DPY19L2: variants seen among roughly 807,000 people sequenced by gnomAD.
The protein encoded by DPY19L2 is dpy-19 like 2, also known as probable C-mannosyltransferase DPY19L2.
In DPY19L2, 34 loss-of-function variants were observed where a neutral mutation model predicts 97.9. That is an observed-to-expected ratio of 0.35 (90% CI 0.26 to 0.46). The LOEUF (loss-of-function observed/expected upper bound fraction) is 0.46. Among genes scored for constraint, DPY19L2 ranks in the 20% least tolerant of loss-of-function variants. DPY19L2 has a pLI of 1.00. For synonymous variants in DPY19L2, 230 were observed against 307.9 expected, an observed-to-expected ratio of 0.75 and a Z score of 2.65; for missense variants, 623 against 911.4, an observed-to-expected ratio of 0.68 and a Z score of 4.07.
chr12:63,660,295 T>A (rs1350354167), intron 4 of DPY19L2, among the ~76,000 whole-genome samples: 1 of 151,948 alleles, frequency 6.6e-6, no homozygotes, highest in East Asian at 1.9e-4. Flanking sequence ...GGGAAATACA[T>A]AAACTTTACA....
chr12:63,582,301 C>T lies in DPY19L2; in HGVS notation c.1725+105G>A, dbSNP rs1881069472. On this transcript the variant is annotated intron_variant, in intron 18 of 21. Transcript: ENST00000324472. ...TCATTTAACTTAGTTAAGTTAAAAA[C>T]ACTTAGTGTGTTTATATTTTGAATT... 4 of 1,221,760 alleles carry T rather than the reference C, an allele frequency of 3.3e-6. No homozygotes were observed. In the African/African-American group the frequency reaches 6.2e-5, roughly 19 times the overall value. The allele number at this position is 1,221,760 out of a possible 1,614,324, so 75.7% of individuals were successfully genotyped here. A position where few individuals can be genotyped will look rare whatever the true frequency, so the allele number is the denominator to read the frequency against.
In DPY19L2 at chr12:63,647,316, A is replaced by G. The variant is rs375807753; in HGVS notation, c.638T>C (p.Phe213Ser). ...CCAGCAGGTCTTAGTTTCTAGTCCA[A>G]ATAAATTCATTATTCCCATGAATGT... is the stretch of plus-strand genomic sequence containing the variant. Reference protein sequence around the residue: ...YCTFMGIMNLFGLETKTCWNV... With the variant: ...YCTFMGIMNLSGLETKTCWNV... Residue 213 changes from phenylalanine (F) to serine (S), a missense_variant, in exon 5 of 22, where the codon TTT (phenylalanine) becomes TCT (serine). Coordinates refer to ENST00000324472, the MANE Select transcript of DPY19L2 (RefSeq NM_173812.5). The G allele has an allele frequency of 6.3e-6, 10 of 1,593,032 alleles. No homozygotes were observed. The highest frequency in any genetic ancestry group is 8.6e-6 in the Non-Finnish European group (10 of 1,168,408).
intron 12 of DPY19L2, among the ~76,000 whole-genome samples, chr12:63,604,924 C>T (rs1030040826): frequency 1.2e-4 from 19 of 152,244 alleles, no homozygotes; most frequent in African/African-American, 4.3e-4. Flanking sequence ...GTGTCCAGTA[C>T]ATTTTTTATA....
chr12:63,618,293 G>C lies in DPY19L2; in HGVS notation c.1054-65C>G, dbSNP rs1039948115. 133 of 657,614 alleles carry C rather than the reference G, an allele frequency of 2.0e-4. No homozygotes were observed. In the African/African-American group the frequency reaches 2.3e-3, roughly 12 times the overall value. The allele number at this position is 657,614 out of a possible 1,614,324, so 40.7% of individuals were successfully genotyped here. On this transcript the variant is annotated intron_variant, in intron 9 of 21. Coordinates refer to ENST00000324472, the MANE Select transcript of DPY19L2 (RefSeq NM_173812.5). ...GAAAACTAACACTTTACTATTCACA[G>C]GCAAAGTAAATATAAGAGGAGGGCT...
At chr12:63,654,139 G>A (rs1006784593) in intron 4 of DPY19L2, among the ~76,000 whole-genome samples, 1 of 151,954 alleles carries the variant, frequency 6.6e-6, no homozygotes, top group Non-Finnish European at 1.5e-5. Context: ...ACATCAAAGA[G>A]GAAGAAATAA....
At chr12:63,626,005 A>AAT (rs1889477214) in intron 7 of DPY19L2, among the ~76,000 whole-genome samples, 1 of 148,792 alleles carries the variant, frequency 6.7e-6, no homozygotes, top group Non-Finnish European at 1.5e-5. Flanking sequence ...AATATAAATT[A>AAT]ATATATATGT....
At position 63,644,368 on chromosome 12, in the gene DPY19L2, C is replaced by T. The variant is rs149866242; in HGVS notation, c.803+35G>A. ...AAATATCAGCCAGTCTGTAAAAGCC[C>T]ACTGAAAGGTCTCTTAATTCAGTAG... On this transcript the variant is annotated intron_variant, in intron 6 of 21. Transcript: ENST00000324472. 1.7e-5 allele frequency: 27 copies of T among 1,585,286 alleles called. No homozygotes were observed. The Admixed American group carries it at 5.1e-4, about 30-fold the overall frequency.
In DPY19L2 at chr12:63,668,477, G is replaced by A; in HGVS notation, c.-84C>T. On this transcript the variant is annotated 5_prime_UTR_variant, in exon 1 of 22. Transcript: ENST00000324472. ...AGGTCCAGAGAGACCTGACTCGCCT[G>A]GCAGCCTCAACGGACTTGTCCCCGC... 7.3e-7 allele frequency: 1 copy of A among 1,364,854 alleles called. No individual in the cohort carries two copies. Among genetic ancestry groups the A allele is most frequent in the Non-Finnish European group, 9.7e-7 (1 of 1,028,862 alleles). 84.5% of individuals were successfully genotyped at this position (1,364,854 alleles called of 1,614,324 possible). A position where few individuals can be genotyped will look rare whatever the true frequency, so the allele number is the denominator to read the frequency against.
chr12:63,618,835 T>C (rs567381591), intron 9 of DPY19L2, among the ~76,000 whole-genome samples: 1 of 152,150 alleles, frequency 6.6e-6, no homozygotes, highest in South Asian at 2.1e-4. Context: ...TAACCCAACA[T>C]AGATGGAGAT....
At chr12:63,633,841 A>C (rs1181973811) in intron 6 of DPY19L2, among the ~76,000 whole-genome samples, 2 of 152,188 alleles carry the variant, frequency 1.3e-5, no homozygotes, top group Non-Finnish European at 2.9e-5. Context: ...AGACTGGATT[A>C]AGAAAATGTG....
At chr12:63,573,510 C>G (rs1185534130) in intron 19 of DPY19L2, among the ~76,000 whole-genome samples, 1 of 151,958 alleles carries the variant, frequency 6.6e-6, no homozygotes, top group East Asian at 1.9e-4. Flanking sequence ...TAGAGAGAGA[C>G]AGCAGTAGGA....
intron 21 of DPY19L2, among the ~76,000 whole-genome samples, chr12:63,566,276 G>A (rs1311457447): frequency 6.6e-6 from 1 of 152,012 alleles, no homozygotes; most frequent in Admixed American, 6.6e-5. Context: ...CACATTAAGT[G>A]AGAGATAATA....
chr12:63,589,923 G>A (rs1882592762), intron 16 of DPY19L2, among the ~76,000 whole-genome samples: 1 of 152,152 alleles, frequency 6.6e-6, no homozygotes, highest in African/African-American at 2.4e-5. Flanking sequence ...GAGTTCAGGA[G>A]TTCGAGACCA....
chr12:63,576,093 T>A (rs1012493441), intron 19 of DPY19L2, among the ~76,000 whole-genome samples: 7 of 151,874 alleles, frequency 4.6e-5, no homozygotes, highest in African/African-American at 1.7e-4. Context: ...AGATTATTCA[T>A]CATGACCAAA....
intron 6 of DPY19L2, among the ~76,000 whole-genome samples, chr12:63,632,262 AG>A (rs1313941089): frequency 1.3e-5 from 2 of 152,198 alleles, no homozygotes; most frequent in African/African-American, 4.8e-5. Context: ...TTAGGAAAAG[AG>A]GAAGTCAAAT....
At chr12:63,601,526 G>A (rs1020390543) in intron 12 of DPY19L2, among the ~76,000 whole-genome samples, 1 of 152,116 alleles carries the variant, frequency 6.6e-6, no homozygotes, top group Non-Finnish European at 1.5e-5. Context: ...AGGAGGCAAC[G>A]AATCTATAGA....
chr12:63,603,350 T>C (rs1418353631), intron 12 of DPY19L2, among the ~76,000 whole-genome samples: 3 of 152,206 alleles, frequency 2.0e-5, no homozygotes, highest in South Asian at 4.1e-4. Flanking sequence ...TTCTTGCATT[T>C]CCTTTTTGTT....
intron 7 of DPY19L2, among the ~76,000 whole-genome samples, chr12:63,624,393 C>T (rs1032580776): frequency 3.9e-5 from 6 of 151,966 alleles, no homozygotes; most frequent in Admixed American, 1.3e-4. Context: ...CAAGATTGTA[C>T]GTATAAGAGT....
intron 6 of DPY19L2, among the ~76,000 whole-genome samples, chr12:63,637,359 C>T (rs1185397070): frequency 5.9e-5 from 9 of 151,820 alleles, no homozygotes. Context: ...GACACCCTAA[C>T]ATCACAATTA....
Sources: gnomAD v4.1 joint callset for allele counts (sites outside exome capture counted in the v4.1 genomes callset) on GRCh38, gnomAD v4.1.1 for gene constraint, MANE v1.5 for transcripts, NCBI Gene and HGNC (gene_info 2026-07-23, HGNC 2026-07-21) for gene names.